TMEM272: variants seen among roughly 807,000 people sequenced by gnomAD.
TMEM272 encodes the protein long intergenic non-protein coding RNA 282.
In TMEM272, 8 loss-of-function variants were observed where a neutral mutation model predicts 3.7. That is an observed-to-expected ratio of 2.17 (90% CI 1.27 to 3.91). The LOEUF (loss-of-function observed/expected upper bound fraction) is 3.91, where lower values mean the gene tolerates loss of function less well. Ranked by LOEUF, TMEM272 falls within the 30% of genes most tolerant of loss-of-function variation. The pLI is 0.00. For missense variants in TMEM272, 166 were observed against 91.5 expected, an observed-to-expected ratio of 1.81 and a Z score of -3.32; for synonymous variants, 63 against 39.8, an observed-to-expected ratio of 1.58 and a Z score of -2.20.
At chr13:51,922,527 C>A in the TMEM272 span, among the ~76,000 whole-genome samples, 1 of 152,218 alleles carries the variant, frequency 6.6e-6, no homozygotes, top group Non-Finnish European at 1.5e-5. Context: ...CTCAACCTGC[C>A]AGGCGACAGC....
chr13:51,910,153 A>T, the TMEM272 span: 1 of 1,050,120 alleles, frequency 9.5e-7, no homozygotes, highest in Non-Finnish European at 1.5e-6. Flanking sequence ...GAATGTTTAG[A>T]TTTCTCTTCT....
At chr13:51,889,636 G>T in the TMEM272 span, among the ~76,000 whole-genome samples, 9 of 132,074 alleles carry the variant, frequency 6.8e-5, no homozygotes, top group East Asian at 2.3e-4. Flanking sequence ...GTGTGTGTGT[G>T]GGGGGGTTTT....
chr13:51,831,854 G>A (rs74622569), intron 2 of TMEM272, among the ~76,000 whole-genome samples: 2,526 of 152,340 alleles, frequency 0.017, 30 homozygotes, highest in African/African-American at 0.038. Context: ...GCAACTCAGA[G>A]TGCCACATTC....
chr13:51,900,542 G>A, the TMEM272 span, among the ~76,000 whole-genome samples: 2 of 152,218 alleles, frequency 1.3e-5, no homozygotes, highest in Non-Finnish European at 2.9e-5. Flanking sequence ...TGCAGCCCAT[G>A]TGTCAGTTCT....
intron 2 of TMEM272, among the ~76,000 whole-genome samples, chr13:51,836,641 A>C (rs1956218971): frequency 6.6e-6 from 1 of 152,132 alleles, no homozygotes; most frequent in Non-Finnish European, 1.5e-5. Context: ...TCTCCACTGT[A>C]TGATTACTAT....
At chr13:51,896,364 A>C in the TMEM272 span, among the ~76,000 whole-genome samples, 1 of 152,298 alleles carries the variant, frequency 6.6e-6, no homozygotes, top group Admixed American at 6.5e-5. Context: ...GTGTAACACA[A>C]ATGTATGTTT....
chr13:51,881,502 AG>A, the TMEM272 span, among the ~76,000 whole-genome samples: 1 of 152,298 alleles, frequency 6.6e-6, no homozygotes, highest in Middle Eastern at 3.4e-3. Context: ...GCTGGACAGA[AG>A]TGGGGAGGGG....
the TMEM272 span, among the ~76,000 whole-genome samples, chr13:51,905,417 T>G: frequency 6.6e-6 from 1 of 152,184 alleles, no homozygotes; most frequent in African/African-American, 2.4e-5. Context: ...ACTGTCTTCC[T>G]GAGGCCCTCT....
At chr13:51,873,570 C>T in the TMEM272 span, among the ~76,000 whole-genome samples, 2 of 152,222 alleles carry the variant, frequency 1.3e-5, no homozygotes, top group African/African-American at 4.8e-5. Flanking sequence ...TCTGCCCCAT[C>T]CTTCTGCTCC....
At chr13:51,900,817 C>T in the TMEM272 span, among the ~76,000 whole-genome samples, 1 of 152,164 alleles carries the variant, frequency 6.6e-6, no homozygotes, top group East Asian at 1.9e-4. Context: ...CATGCTACAA[C>T]ACAGGTGAAC....
chr13:51,871,942 T>A, the TMEM272 span, among the ~76,000 whole-genome samples: 1 of 152,044 alleles, frequency 6.6e-6, no homozygotes, highest in Non-Finnish European at 1.5e-5. Flanking sequence ...AATGGAAGCA[T>A]CTTCCCCAGG....
intron 4 of TMEM272, among the ~76,000 whole-genome samples, chr13:51,819,506 CAG>C (rs1482747509): frequency 6.6e-6 from 1 of 152,226 alleles, no homozygotes; most frequent in East Asian, 1.9e-4. Context: ...AGAAAGGAAC[CAG>C]CCCAAGGAAA....
intron 2 of TMEM272, among the ~76,000 whole-genome samples, chr13:51,837,513 G>A (rs1956225755): frequency 6.6e-6 from 1 of 152,214 alleles, no homozygotes; most frequent in Non-Finnish European, 1.5e-5. Flanking sequence ...GGAGTAAAAT[G>A]TCAGGGCTGT....
At chr13:51,883,949 T>C in the TMEM272 span, among the ~76,000 whole-genome samples, 1 of 152,230 alleles carries the variant, frequency 6.6e-6, no homozygotes, top group African/African-American at 2.4e-5. Flanking sequence ...CCTTTGTAAC[T>C]AAAATACTTT....
At chr13:51,823,528 C>T (rs529634294) in intron 3 of TMEM272, among the ~76,000 whole-genome samples, 1 of 152,368 alleles carries the variant, frequency 6.6e-6, no homozygotes, top group Admixed American at 6.5e-5. Flanking sequence ...TCCCCATGCC[C>T]CCTGAGCCAT....
At chr13:51,872,372 G>A in the TMEM272 span, among the ~76,000 whole-genome samples, 1 of 151,268 alleles carries the variant, frequency 6.6e-6, no homozygotes, top group Non-Finnish European at 1.5e-5. Context: ...TGAGCAAAAA[G>A]ACAAACATAG....
intron 2 of TMEM272, among the ~76,000 whole-genome samples, chr13:51,832,417 T>C (rs2031994): frequency 0.17 from 25,693 of 152,106 alleles, 2,574 homozygotes; most frequent in East Asian, 0.46. Flanking sequence ...CTTAGTTTAG[T>C]GCAGAAACTG....
the TMEM272 span, among the ~76,000 whole-genome samples, chr13:51,853,377 T>A: frequency 6.6e-6 from 1 of 151,536 alleles, no homozygotes; most frequent in Admixed American, 6.6e-5. Context: ...GCCACTGCAC[T>A]CCAGCCTGGG....
chr13:51,813,509 C>T lies in TMEM272; in HGVS notation c.*3242G>A, dbSNP rs1215289386. On this transcript the variant is annotated 3_prime_UTR_variant, in exon 5 of 5. Coordinates refer to ENST00000629372, the MANE Select transcript of TMEM272 (RefSeq NM_001351003.2). ...AGTACTGGAAGTGACATTATATTGT[C>T]CTCATGGTGACAACCAGGATGGGCC... 1.1e-5 allele frequency: 4 copies of T among 363,898 alleles called. No homozygotes were observed. The East Asian group carries it at 1.6e-4, about 14-fold the overall frequency. 22.5% of individuals were successfully genotyped at this position (363,898 alleles called of 1,614,324 possible). A position where few individuals can be genotyped will look rare whatever the true frequency, so the allele number is the denominator to read the frequency against.
Sources: allele counts gnomAD v4.1 joint callset (sites outside exome capture counted in the v4.1 genomes callset), GRCh38; gene constraint gnomAD v4.1.1; transcripts MANE v1.5; gene names NCBI Gene and HGNC (gene_info 2026-07-23, HGNC 2026-07-21).